The following TNR variants were observed in gnomAD, a reference collection of about 807,000 sequenced individuals.
TNR encodes the protein tenascin-R.
TNR carries 45 observed loss-of-function variants against 150.4 expected under a neutral mutation model. The observed-to-expected ratio is 0.30, with a 90% CI of 0.24 to 0.38. The LOEUF (loss-of-function observed/expected upper bound fraction) is 0.38, where lower values mean the gene tolerates loss of function less well. Ranked by LOEUF, TNR falls within the 10% of genes least tolerant of loss-of-function variation. TNR has a pLI of 1.00. For missense variants in TNR, 1,544 were observed against 1,759.1 expected, an observed-to-expected ratio of 0.88 and a Z score of 2.19; for synonymous variants, 687 against 678.4, an observed-to-expected ratio of 1.01 and a Z score of -0.20.
At chr1:175,646,946 G>T (rs1222654219) in intron 1 of TNR, among the ~76,000 whole-genome samples, 2 of 152,196 alleles carry the variant, frequency 1.3e-5, no homozygotes, top group East Asian at 1.9e-4. Context: ...TACCACATCT[G>T]GTTAGTGGCT....
intron 2 of TNR, among the ~76,000 whole-genome samples, chr1:175,440,656 AG>A: frequency 6.6e-6 from 1 of 152,080 alleles, no homozygotes; most frequent in African/African-American, 2.4e-5. Context: ...ACCAAAAGAG[AG>A]GATTCATTGA....
Position 175,330,099 on chromosome 1 carries a change from G to A in TNR, c.3768C>T (p.Arg1256=), listed in dbSNP as rs779990993. 6.2e-7 allele frequency: 1 copy of A among 1,603,652 alleles called. No homozygotes were observed. The highest frequency in any genetic ancestry group is 1.3e-5 in the African/African-American group (1 of 74,864). ...CCGCAGTGCCGTTGTAGCTTCCTAT[G>A]CGGAGTTTGTACAGGTTTCTGCTGT... The part of the protein sequence containing the change: ...VEDSRNLYKL[R]IGSYNGTAGD... Residue 1256 remains arginine (R), a synonymous_variant, in exon 21 of 23, where the codon CGC becomes CGT. Coordinates refer to ENST00000367674, the MANE Select transcript of TNR (RefSeq NM_003285.3).
intron 5 of TNR, among the ~76,000 whole-genome samples, chr1:175,395,415 C>T (rs1653381844): frequency 6.6e-6 from 1 of 152,100 alleles, no homozygotes; most frequent in African/African-American, 2.4e-5. Flanking sequence ...GGCCCGGGGG[C>T]TTTCTGAATT....
chr1:175,451,597 A>G (rs1372959084), intron 2 of TNR, among the ~76,000 whole-genome samples: 1 of 152,082 alleles, frequency 6.6e-6, no homozygotes, highest in Non-Finnish European at 1.5e-5. Context: ...GATTGGGGAG[A>G]CACTTTTGGA....
chr1:175,402,471 T>C (rs537155771), intron 4 of TNR, among the ~76,000 whole-genome samples: 6 of 152,188 alleles, frequency 3.9e-5, no homozygotes, highest in Admixed American at 3.3e-4. Flanking sequence ...ATTTGCTAGA[T>C]AGTCATCTGG....
Position 175,323,462 on chromosome 1 carries a change from G to T in TNR, c.3972C>A (p.Tyr1324Ter). Reference sequence around the variant, plus strand: ...TGGAGAACTCATGGCCTTTCCAATGGTACCAGTTGATGCCCTGGGCGTGAG... The same window carrying T: ...TGGAGAACTCATGGCCTTTCCAATGTTACCAGTTGATGCCCTGGGCGTGAG... ...ESRHSQGINW[Y>*]HWKGHEFSIP... The change falls in exon 23 of 23, where the codon TAC (tyrosine) becomes TAA (stop). Residue 1324 changes from tyrosine (Y) to a stop codon, truncating the protein, a stop_gained. Coordinates refer to ENST00000367674, the MANE Select transcript of TNR (RefSeq NM_003285.3). LOFTEE classifies it high-confidence loss of function. 1.2e-6 allele frequency: 2 copies of T among 1,613,898 alleles called. No homozygotes were observed. Among genetic ancestry groups the T allele is most frequent in the Non-Finnish European group, 8.5e-7 (1 of 1,179,900 alleles).
chr1:175,336,705 G>A (rs933834536), intron 19 of TNR, among the ~76,000 whole-genome samples: 8 of 152,214 alleles, frequency 5.3e-5, no homozygotes, highest in African/African-American at 1.9e-4. Flanking sequence ...CTCCCTGAAG[G>A]CTGTGTCAGC....
At chr1:175,520,069 G>A (rs1432034980) in intron 2 of TNR, among the ~76,000 whole-genome samples, 1 of 152,184 alleles carries the variant, frequency 6.6e-6, no homozygotes, top group African/African-American at 2.4e-5. Flanking sequence ...ATCGTTGGTT[G>A]TTAAGAGAAG....
chr1:175,390,346 G>C (rs915531205), intron 7 of TNR, among the ~76,000 whole-genome samples: 1 of 152,182 alleles, frequency 6.6e-6, no homozygotes, highest in Non-Finnish European at 1.5e-5. Flanking sequence ...ACATAAAGCT[G>C]TACCAATAGT....
intron 1 of TNR, among the ~76,000 whole-genome samples, chr1:175,560,572 T>C (rs1661383112): frequency 6.6e-6 from 1 of 152,264 alleles, no homozygotes; most frequent in South Asian, 2.1e-4. Context: ...TTGTTCTCAG[T>C]GAACCCATGC....
At chr1:175,450,473 G>T (rs1338857974) in intron 2 of TNR, among the ~76,000 whole-genome samples, 1 of 152,254 alleles carries the variant, frequency 6.6e-6, no homozygotes, top group Non-Finnish European at 1.5e-5. Context: ...CTCTCCCAGT[G>T]CTGGGTTAAG....
rs1553211469 is a variant in TNR, at chr1:175,376,860, T to TA, written c.1963+2691_1963+2692insT. ...TTATGTGTAATATATAAATGTAATA[T>TA]TATATATATATATATATATACACAT... On this transcript the variant is annotated intron_variant, in intron 9 of 22. Transcript: ENST00000367674. Among the ~76,000 whole-genome samples, 477 of 113,698 alleles carry TA rather than the reference T, an allele frequency of 4.2e-3. 1 individual carries two copies. The highest frequency in any genetic ancestry group is 8.9e-3 in the African/African-American group (290 of 32,490). 74.6% of individuals were successfully genotyped at this position (113,698 alleles called of 152,430 possible).
chr1:175,598,927 A>C (rs1472348262), intron 1 of TNR, among the ~76,000 whole-genome samples: 2 of 152,214 alleles, frequency 1.3e-5, no homozygotes, highest in Admixed American at 1.3e-4. Flanking sequence ...TGAGGGCAGA[A>C]ATCCAACGTG....
intron 1 of TNR, among the ~76,000 whole-genome samples, chr1:175,650,820 C>A (rs1482917928): frequency 1.1e-3 from 9 of 8,522 alleles, no homozygotes; most frequent in Admixed American, 2.0e-3. Context: ...TGTCCCCCAC[C>A]TCCTTACTAC....
chr1:175,649,963 C>T (rs749410460), intron 1 of TNR, among the ~76,000 whole-genome samples: 14 of 152,128 alleles, frequency 9.2e-5, no homozygotes, highest in Non-Finnish European at 1.8e-4. Context: ...ACAACTTCCC[C>T]ATGTTAACAT....
intron 1 of TNR, among the ~76,000 whole-genome samples, chr1:175,699,694 G>C (rs2101925787): frequency 6.6e-6 from 1 of 152,256 alleles, no homozygotes; most frequent in African/African-American, 2.4e-5. Context: ...GACGGAAGGT[G>C]GTGGTGGCCA....
intron 1 of TNR, among the ~76,000 whole-genome samples, chr1:175,722,981 G>A (rs1323530244): frequency 2.0e-5 from 3 of 151,728 alleles, no homozygotes; most frequent in East Asian, 1.9e-4. Context: ...TAATTGAGAC[G>A]GGGTTTCACC....
At chr1:175,692,513 C>G (rs547316088) in intron 1 of TNR, among the ~76,000 whole-genome samples, 1 of 152,202 alleles carries the variant, frequency 6.6e-6, no homozygotes. Context: ...CTGAAATTTG[C>G]ACACTTGAAG....
intron 1 of TNR, among the ~76,000 whole-genome samples, chr1:175,739,942 G>C (rs1667879022): frequency 6.6e-6 from 1 of 152,190 alleles, no homozygotes; most frequent in Admixed American, 6.5e-5. Context: ...TCATCTCTAT[G>C]AACTCCATCA....
Sources: gnomAD v4.1 joint callset for allele counts (sites outside exome capture counted in the v4.1 genomes callset) on GRCh38, gnomAD v4.1.1 for gene constraint, MANE v1.5 for transcripts, NCBI Gene and HGNC (gene_info 2026-07-23, HGNC 2026-07-21) for gene names.